Variants in XYLT1 observed in about 807,000 individuals in gnomAD.
XYLT1 encodes xylosyltransferase 1, also known as beta-D-xylosyltransferase 1.
XYLT1 carries 36 observed loss-of-function variants against 91.3 expected under a neutral mutation model. That is an observed-to-expected ratio of 0.39 (90% CI 0.30 to 0.52). The LOEUF (loss-of-function observed/expected upper bound fraction) is 0.52. XYLT1 is among the 20% of genes least tolerant of loss of function. XYLT1 has a pLI of 0.68. For missense variants in XYLT1, 1,242 were observed against 1,284.5 expected, an observed-to-expected ratio of 0.97 and a Z score of 0.51; for synonymous variants, 588 against 532.0, an observed-to-expected ratio of 1.11 and a Z score of -1.45.
intron 5 of XYLT1, among the ~76,000 whole-genome samples, chr16:17,189,382 C>A (rs1358827539): frequency 1.3e-5 from 2 of 152,184 alleles, no homozygotes; most frequent in African/African-American, 4.8e-5. Flanking sequence ...CTCAGATCTA[C>A]AACCCCCCAT....
Position 17,426,753 on chromosome 16 carries a change from C to T in XYLT1, c.363+43681G>A, listed in dbSNP as rs1267020293. ...TAGGTTTAACAGAGACCCTATGGCCCATAAGCCTACAATATTTCCTGTCTG... is the reference window on the plus strand; with the variant it reads ...TAGGTTTAACAGAGACCCTATGGCCTATAAGCCTACAATATTTCCTGTCTG... On this transcript the variant is annotated intron_variant, in intron 1 of 11. Transcript: ENST00000261381. Among the ~76,000 whole-genome samples the T allele has an allele frequency of 2.6e-5, 4 of 152,136 alleles. No individual in the cohort carries two copies. In the East Asian group the frequency reaches 7.7e-4, roughly 29 times the overall value.
intron 2 of XYLT1, among the ~76,000 whole-genome samples, chr16:17,317,844 C>A (rs1261977257): frequency 6.6e-6 from 1 of 152,060 alleles, no homozygotes; most frequent in Admixed American, 6.6e-5. Flanking sequence ...TATGTTTCAG[C>A]CACCACGGCG....
intron 1 of XYLT1, among the ~76,000 whole-genome samples, chr16:17,435,194 T>C (rs1037538770): frequency 1.3e-5 from 2 of 152,192 alleles, no homozygotes; most frequent in African/African-American, 4.8e-5. Flanking sequence ...GTCAGTACAT[T>C]AAGAACCATT....
At chr16:17,274,162 T>C (rs540097667) in intron 2 of XYLT1, among the ~76,000 whole-genome samples, 1 of 152,202 alleles carries the variant, frequency 6.6e-6, no homozygotes, top group South Asian at 2.1e-4. Flanking sequence ...TCCACCTGCC[T>C]CAGCCTCCCA....
At chr16:17,466,676 G>A (rs2036901492) in intron 1 of XYLT1, among the ~76,000 whole-genome samples, 1 of 152,126 alleles carries the variant, frequency 6.6e-6, no homozygotes, top group African/African-American at 2.4e-5. Context: ...GAAAAGACCG[G>A]AAGGAAAGTG....
intron 5 of XYLT1, among the ~76,000 whole-genome samples, chr16:17,161,510 T>TC (rs1305869899): frequency 6.6e-6 from 1 of 151,948 alleles, no homozygotes; most frequent in Non-Finnish European, 1.5e-5. Context: ...CTAAAGCCCA[T>TC]CCCCCCAGTC....
chr16:17,319,174 G>A (rs915383569), intron 2 of XYLT1, among the ~76,000 whole-genome samples: 1 of 152,120 alleles, frequency 6.6e-6, no homozygotes, highest in Non-Finnish European at 1.5e-5. Flanking sequence ...TGGAGGCAAT[G>A]ACTGTGCATT....
intron 1 of XYLT1, among the ~76,000 whole-genome samples, chr16:17,376,869 G>T (rs1213001843): frequency 7.7e-6 from 1 of 129,232 alleles, no homozygotes; most frequent in African/African-American, 3.0e-5. Flanking sequence ...ACCAAATGAC[G>T]AATGAACAAG....
chr16:17,222,789 CA>C (rs11358476), intron 3 of XYLT1, among the ~76,000 whole-genome samples: 42,983 of 71,250 alleles, frequency 0.6, 10,282 homozygotes, highest in East Asian at 0.84. Context: ...AACTCTGTCT[CA>C]AAAAAAAAAA....
At chr16:17,462,672 C>G (rs569581972) in intron 1 of XYLT1, among the ~76,000 whole-genome samples, 1 of 152,270 alleles carries the variant, frequency 6.6e-6, no homozygotes, top group East Asian at 1.9e-4. Flanking sequence ...AATGGAGCAG[C>G]AGGAAGTCTG....
intron 5 of XYLT1, among the ~76,000 whole-genome samples, chr16:17,170,580 T>C (rs1043582814): frequency 1.8e-4 from 28 of 152,184 alleles, no homozygotes; most frequent in African/African-American, 6.8e-4. Context: ...CTGCTTGCCT[T>C]TGCAAAAGCT....
intron 2 of XYLT1, among the ~76,000 whole-genome samples, chr16:17,275,380 G>A (rs1312464207): frequency 6.6e-6 from 1 of 152,132 alleles, no homozygotes; most frequent in African/African-American, 2.4e-5. Flanking sequence ...TGCCCCACAG[G>A]TTTCTAAAGT....
chr16:17,235,139 C>G (rs1260072421), intron 3 of XYLT1, among the ~76,000 whole-genome samples: 2 of 151,386 alleles, frequency 1.3e-5, no homozygotes, highest in Non-Finnish European at 2.9e-5. Context: ...TGTTCCAGTT[C>G]AGTTTGGGAA....
intron 1 of XYLT1, among the ~76,000 whole-genome samples, chr16:17,458,739 T>C (rs2036776769): frequency 6.6e-6 from 1 of 152,120 alleles, no homozygotes; most frequent in Admixed American, 6.5e-5. Flanking sequence ...AGAGTTTGCT[T>C]ATGTGTTTTC....
rs1234569090 is a variant in XYLT1, at chr16:17,400,982, T to TCACACACA, written c.364-42933_364-42932insTGTGTGTG. 2.7e-5 allele frequency among the ~76,000 whole-genome samples: 3 copies of TCACACACA among 111,082 alleles called. No individual in the cohort carries two copies. In the South Asian group the frequency reaches 7.5e-4, roughly 28 times the overall value. The allele number at this position is 111,082 out of a possible 152,430, so 72.9% of individuals were successfully genotyped here. A position where few individuals can be genotyped will look rare whatever the true frequency, so the allele number is the denominator to read the frequency against. ...CTGTCTCTCTGTCTCACTCTCTCTT[T>TCACACACA]CATACACACACACACACACACACAC... On this transcript the variant is annotated intron_variant, in intron 1 of 11. Coordinates refer to ENST00000261381, the MANE Select transcript of XYLT1 (RefSeq NM_022166.4).
chr16:17,468,870 G>A lies in XYLT1; in HGVS notation c.363+1564C>T, dbSNP rs563855520. Among the ~76,000 whole-genome samples the A allele has an allele frequency of 1.4e-3, 216 of 152,112 alleles. 1 individual carries two copies. Among genetic ancestry groups the A allele is most frequent in the Middle Eastern group, 6.8e-3 (2 of 294 alleles). Reference sequence around the variant, plus strand: ...CCACAACCCTCCCACCCCACCTCCTGGGCTCTGGATGCACAAAGAACTTCT... The same window carrying A: ...CCACAACCCTCCCACCCCACCTCCTAGGCTCTGGATGCACAAAGAACTTCT... On this transcript the variant is annotated intron_variant, in intron 1 of 11. Coordinates refer to ENST00000261381, the MANE Select transcript of XYLT1 (RefSeq NM_022166.4).
intron 11 of XYLT1, among the ~76,000 whole-genome samples, chr16:17,116,101 C>T (rs1161144942): frequency 6.6e-6 from 1 of 151,682 alleles, no homozygotes; most frequent in African/African-American, 2.4e-5. Flanking sequence ...TATGGAAAAA[C>T]TTCTAAAAGG....
chr16:17,118,702 C>T (rs1224928379), intron 10 of XYLT1, among the ~76,000 whole-genome samples: 1 of 152,136 alleles, frequency 6.6e-6, no homozygotes, highest in Non-Finnish European at 1.5e-5. Context: ...TCTTCTATAT[C>T]CTGTAGTCAG....
rs2035325954 is a variant in XYLT1, at chr16:17,358,026, T to C, written c.388A>G (p.Thr130Ala). 6.2e-7 allele frequency: 1 copy of C among 1,613,346 alleles called. No individual in the cohort carries two copies. Among genetic ancestry groups the C allele is most frequent in the African/African-American group, 1.3e-5 (1 of 74,800 alleles). Residue 130 changes from threonine to alanine, a missense_variant, in exon 2 of 12, where the codon ACC becomes GCC. Thr to Ala is a moderately conservative substitution (Grantham distance 58). Coordinates refer to ENST00000261381, the MANE Select transcript of XYLT1 (RefSeq NM_022166.4). ...AAGATACTTACCTGAGTCTCCAGGG[T>C]GATGAGCGGACTTGGGTGTGGATCC... ...ALDPHPSPLI[T>A]LETQDGYFSH...
Sources: gnomAD v4.1 joint callset for allele counts (sites outside exome capture counted in the v4.1 genomes callset) on GRCh38, gnomAD v4.1.1 for gene constraint, MANE v1.5 for transcripts, NCBI Gene and HGNC (gene_info 2026-07-23, HGNC 2026-07-21) for gene names.